The following PTP4A3 variants were observed in gnomAD, a reference collection of about 807,000 sequenced individuals.
The protein encoded by PTP4A3 is protein tyrosine phosphatase type IVA 3.
In PTP4A3, 9 loss-of-function variants were observed where a neutral mutation model predicts 15.2. The observed-to-expected ratio is 0.59, with a 90% CI of 0.36 to 1.03. The LOEUF (loss-of-function observed/expected upper bound fraction) is 1.03. Among genes scored for constraint, PTP4A3 ranks in the 50% least tolerant of loss-of-function variants. PTP4A3 has a pLI of 0.02. For missense variants in PTP4A3, 234 were observed against 252.1 expected, an observed-to-expected ratio of 0.93 and a Z score of 0.49; for synonymous variants, 95 against 102.0, an observed-to-expected ratio of 0.93 and a Z score of 0.41.
In PTP4A3 at chr8:141,406,089, T is replaced by C. The variant is rs964656611; in HGVS notation, c.-854+14005T>C. 1.3e-5 allele frequency among the ~76,000 whole-genome samples: 2 copies of C among 151,940 alleles called. No homozygotes were observed. Among genetic ancestry groups the C allele is most frequent in the African/African-American group, 4.8e-5 (2 of 41,338 alleles). On this transcript the variant is annotated intron_variant, in intron 1 of 5. Coordinates refer to ENST00000521578, the MANE Select transcript of PTP4A3 (RefSeq NM_032611.3). The surrounding 1 kb of genome is among the most constrained non-coding windows in gnomAD (Gnocchi z 4.5). Reference sequence around the variant, plus strand: ...AGGCTTTGAGCGGAGGGGGCTATGATCTGACTTAGGTCGAGGACACTGGTG... The same window carrying C: ...AGGCTTTGAGCGGAGGGGGCTATGACCTGACTTAGGTCGAGGACACTGGTG...
intron 1 of PTP4A3, among the ~76,000 whole-genome samples, chr8:141,401,271 C>T (rs1832582624): frequency 1.3e-5 from 2 of 152,170 alleles, no homozygotes; most frequent in African/African-American, 2.4e-5. Flanking sequence ...GGCACCTGCA[C>T]ATCTGCACGT....
chr8:141,401,959 AG>A (rs35237030), intron 1 of PTP4A3, among the ~76,000 whole-genome samples: 16,252 of 152,082 alleles, frequency 0.11, 2,928 homozygotes, highest in African/African-American at 0.37. Flanking sequence ...GCTTCAGCCC[AG>A]GGGGGCCCCG....
intron 5 of PTP4A3, among the ~76,000 whole-genome samples, chr8:141,430,631 G>C (rs997043502): frequency 6.6e-6 from 1 of 152,190 alleles, no homozygotes; most frequent in Non-Finnish European, 1.5e-5. Context: ...TCATGGCCTT[G>C]GGGTGGGTCC....
intron 1 of PTP4A3, among the ~76,000 whole-genome samples, chr8:141,418,791 C>T (rs1446944418): frequency 2.0e-5 from 3 of 152,204 alleles, no homozygotes; most frequent in Admixed American, 6.5e-5. Flanking sequence ...GCTTTGGCTT[C>T]AGGGAGTTCT....
rs757901088 is a variant in PTP4A3, at chr8:141,425,008, CCCCAG to C, written c.106-31_106-27del. On this transcript the variant is annotated intron_variant, in intron 2 of 5. Coordinates refer to ENST00000521578, the MANE Select transcript of PTP4A3 (RefSeq NM_032611.3). This position sits in a 1 kb window ranked among gnomAD's most constrained non-coding sequence, Gnocchi z 4.2. ...GGGTCCTGCCCCCTGAGCCCTGCAGCCCCAGCCCAGCCCTGCCTCCTCCGTCCTCC... is the reference window on the plus strand; with the variant it reads ...GGGTCCTGCCCCCTGAGCCCTGCAGCCCCAGCCCTGCCTCCTCCGTCCTCC... 1.3e-6 allele frequency: 2 copies of C among 1,550,330 alleles called. No homozygotes were observed. Among genetic ancestry groups the C allele is most frequent in the Admixed American group, 3.4e-5 (2 of 59,288 alleles).
In PTP4A3 at chr8:141,431,050, G is replaced by C; in HGVS notation, c.*6G>C. 6.2e-7 allele frequency: 1 copy of C among 1,612,748 alleles called. No homozygotes were observed. Among genetic ancestry groups the C allele is most frequent in the South Asian group, 1.1e-5 (1 of 91,084 alleles). ...CCCGGTGCTGCGTTATGTAGCTCAG[G>C]ACCTTGGCTGGGCCTGGTCGTCATG... On this transcript the variant is annotated 3_prime_UTR_variant, in exon 6 of 6. Coordinates refer to ENST00000521578, the MANE Select transcript of PTP4A3 (RefSeq NM_032611.3).
At chr8:141,396,677 G>C (rs1189119530) in intron 1 of PTP4A3, among the ~76,000 whole-genome samples, 1 of 152,188 alleles carries the variant, frequency 6.6e-6, no homozygotes, top group Non-Finnish European at 1.5e-5. Context: ...GAAGAGATGA[G>C]GTGGGGATGG....
intron 1 of PTP4A3, among the ~76,000 whole-genome samples, chr8:141,417,721 G>A (rs1833115707): frequency 6.6e-6 from 1 of 151,846 alleles, no homozygotes; most frequent in East Asian, 2.0e-4. Context: ...GCCGCGCCCC[G>A]CACTTCCCTT....
chr8:141,403,321 A>T (rs923658627), intron 1 of PTP4A3, among the ~76,000 whole-genome samples: 3 of 152,134 alleles, frequency 2.0e-5, no homozygotes, highest in African/African-American at 7.2e-5. Context: ...TGCTGCTGAG[A>T]TGGGAGAATG....
chr8:141,426,691 C>T (rs1178404810), intron 3 of PTP4A3: 1 of 983,232 alleles, frequency 1.0e-6, no homozygotes, highest in Non-Finnish European at 1.2e-6. Context: ...GTGGGGTGGT[C>T]CAGGAAGGCT....
intron 1 of PTP4A3, among the ~76,000 whole-genome samples, chr8:141,418,605 G>A (rs1833167065): frequency 6.6e-6 from 1 of 152,248 alleles, no homozygotes; most frequent in South Asian, 2.1e-4. Context: ...CAGATCTTGG[G>A]AAGGGTTCTG....
intron 1 of PTP4A3, among the ~76,000 whole-genome samples, chr8:141,416,072 AG>A (rs1833040654): frequency 6.6e-6 from 1 of 151,930 alleles, no homozygotes; most frequent in Non-Finnish European, 1.5e-5. Context: ...GCCCCAGGCA[AG>A]GGGGTGGAGC....
intron 1 of PTP4A3, among the ~76,000 whole-genome samples, chr8:141,418,537 T>TA (rs1046320221): frequency 6.6e-6 from 1 of 152,142 alleles, no homozygotes; most frequent in African/African-American, 2.4e-5. Flanking sequence ...GACTCTCCCT[T>TA]AAAGGGTCTT....
chr8:141,395,746 C>T (rs1832433971), intron 1 of PTP4A3, among the ~76,000 whole-genome samples: 1 of 151,984 alleles, frequency 6.6e-6, no homozygotes, highest in Non-Finnish European at 1.5e-5. Flanking sequence ...CCACCCCTCC[C>T]TCCTGCAGCC....
At chr8:141,408,249 G>A (rs973796149) in intron 1 of PTP4A3, among the ~76,000 whole-genome samples, 1 of 152,218 alleles carries the variant, frequency 6.6e-6, no homozygotes, top group Non-Finnish European at 1.5e-5. Flanking sequence ...AGGGGGCGAT[G>A]GAAGTGTTCT....
Position 141,430,913 on chromosome 8 carries a change from T to TGG in PTP4A3, c.405-14_405-13insGG, listed in dbSNP as rs772253768. 6.2e-7 allele frequency: 1 copy of TGG among 1,611,764 alleles called. No homozygotes were observed. Among genetic ancestry groups the TGG allele is most frequent in the Admixed American group, 1.7e-5 (1 of 59,988 alleles). ...GTCCTTGGATGATCTCTGTTCCTGT[T>TGG]CCCCTCTTCCCAGGAAGCGCCGCGG... is the stretch of plus-strand genomic sequence containing the variant. On this transcript the variant is annotated splice_polypyrimidine_tract_variant and intron_variant, in intron 5 of 5. Coordinates refer to ENST00000521578, the MANE Select transcript of PTP4A3 (RefSeq NM_032611.3).
intron 5 of PTP4A3, among the ~76,000 whole-genome samples, chr8:141,428,928 C>G (rs978744956): frequency 1.3e-5 from 2 of 152,238 alleles, no homozygotes; most frequent in Non-Finnish European, 2.9e-5. Flanking sequence ...CATGCACTCT[C>G]ACACATGCGG....
chr8:141,417,482 G>A (rs1323385465), intron 1 of PTP4A3, among the ~76,000 whole-genome samples: 1 of 152,112 alleles, frequency 6.6e-6, no homozygotes, highest in Non-Finnish European at 1.5e-5. Flanking sequence ...CCTGCACGGC[G>A]GGGCCGCATT....
chr8:141,417,838 G>T (rs1833122981), intron 1 of PTP4A3, among the ~76,000 whole-genome samples: 1 of 151,988 alleles, frequency 6.6e-6, no homozygotes, highest in South Asian at 2.1e-4. Context: ...CCCGGCAGCC[G>T]GGTCGCCCGC....
Sources: gnomAD v4.1 joint callset for allele counts (sites outside exome capture counted in the v4.1 genomes callset) on GRCh38, gnomAD v4.1.1 for gene constraint, Gnocchi (gnomAD v3.1) non-coding constraint, MANE v1.5 for transcripts, NCBI Gene and HGNC (gene_info 2026-07-23, HGNC 2026-07-21) for gene names.